Variants in DCAF12 observed in about 807,000 individuals in gnomAD.
The protein encoded by DCAF12 is DDB1 and CUL4 associated factor 12.
In DCAF12, 28 loss-of-function variants were observed where a neutral mutation model predicts 52.8. The observed-to-expected ratio is 0.53, with a 90% CI of 0.39 to 0.73. DCAF12 has a LOEUF of 0.73. DCAF12 is among the 30% of genes least tolerant of loss of function. The pLI is 0.00. For missense variants in DCAF12, 425 were observed against 552.2 expected (o/e 0.77, Z 2.31); for synonymous variants, 196 against 215.5 (o/e 0.91, Z 0.79).
At chr9:34,101,785 T>C (rs1011630932) in intron 4 of DCAF12, among the ~76,000 whole-genome samples, 2 of 151,574 alleles carry the variant, frequency 1.3e-5, no homozygotes, top group African/African-American at 4.9e-5. Flanking sequence ...GAGGCTGAGG[T>C]AGGTGGACCG....
At chr9:34,122,827 G>C (rs1204385383) in intron 2 of DCAF12, among the ~76,000 whole-genome samples, 2 of 152,182 alleles carry the variant, frequency 1.3e-5, no homozygotes, top group Admixed American at 6.6e-5. Flanking sequence ...GGCAACAGTT[G>C]GTTAAAGTCA....
chr9:34,101,064 C>CTT (rs3061496), intron 4 of DCAF12, among the ~76,000 whole-genome samples: 30,356 of 118,270 alleles, frequency 0.26, 4,316 homozygotes, highest in African/African-American at 0.33. Flanking sequence ...CCCTCCCCAA[C>CTT]TTTTTTTTTT....
intron 6 of DCAF12, chr9:34,096,140 G>C (rs1387011603): frequency 6.6e-6 from 1 of 152,222 alleles, no homozygotes; most frequent in African/African-American, 2.4e-5. Flanking sequence ...AGGATCGCTT[G>C]AGGTCAGGAG....
At chr9:34,117,277 G>A in intron 2 of DCAF12, among the ~76,000 whole-genome samples, 1 of 144,920 alleles carries the variant, frequency 6.9e-6, no homozygotes, top group East Asian at 2.0e-4. Context: ...TTTTGAGATG[G>A]AGCTCAAAAA....
intron 1 of DCAF12, chr9:34,125,529 G>A (rs1025507617): frequency 1.7e-6 from 1 of 604,138 alleles, no homozygotes; most frequent in African/African-American, 1.8e-5. Context: ...ATGCAGAATA[G>A]AACAGACTAA....
At chr9:34,125,789 C>G (rs1587744740) in intron 1 of DCAF12, 1 of 272,896 alleles carries the variant, frequency 3.7e-6, no homozygotes, top group African/African-American at 2.2e-5. Context: ...AAAAATCAAC[C>G]GCCAACGGGG....
chr9:34,105,541 G>A (rs958305966), intron 4 of DCAF12, among the ~76,000 whole-genome samples: 1 of 152,118 alleles, frequency 6.6e-6, no homozygotes, highest in African/African-American at 2.4e-5. Context: ...AGCTACCTGG[G>A]AGCCTGAGGC....
chr9:34,105,114 G>A (rs571357229), intron 4 of DCAF12, among the ~76,000 whole-genome samples: 62 of 152,118 alleles, frequency 4.1e-4, no homozygotes, highest in African/African-American at 1.4e-3. Flanking sequence ...TTAGCCTGGC[G>A]TGGTGGTGGG....
intron 7 of DCAF12, among the ~76,000 whole-genome samples, chr9:34,092,654 C>G (rs1828663177): frequency 1.3e-5 from 2 of 151,716 alleles, no homozygotes; most frequent in Non-Finnish European, 2.9e-5. Flanking sequence ...CCACTACACT[C>G]CAGCCTGGCA....
chr9:34,113,145 G>C (rs943086503), intron 2 of DCAF12, among the ~76,000 whole-genome samples: 2 of 151,830 alleles, frequency 1.3e-5, no homozygotes, highest in Non-Finnish European at 2.9e-5. Context: ...CTGCCTCCTG[G>C]GTACAAGCAA....
At chr9:34,107,263 C>G in intron 3 of DCAF12, 96 bp downstream of exon 3, 2 of 1,231,626 alleles carry the variant, frequency 1.6e-6, no homozygotes, top group Non-Finnish European at 2.4e-6. Flanking sequence ...GGAGTCCAGT[C>G]CCCACTCTGG....
At chr9:34,101,050 C>G (rs1317117163) in intron 4 of DCAF12, among the ~76,000 whole-genome samples, 1 of 142,526 alleles carries the variant, frequency 7.0e-6, no homozygotes, top group Non-Finnish European at 1.5e-5. Flanking sequence ...ACAGGGACCA[C>G]AAACCCTCCC....
intron 2 of DCAF12, among the ~76,000 whole-genome samples, chr9:34,112,999 G>A (rs1829028898): frequency 6.6e-6 from 1 of 152,186 alleles, no homozygotes; most frequent in Non-Finnish European, 1.5e-5. Flanking sequence ...TGTGTTGTGT[G>A]AGACAATGCA....
chr9:34,108,301 TAAGTGTTATG>T (rs1297575530), intron 2 of DCAF12, among the ~76,000 whole-genome samples: 4 of 152,206 alleles, frequency 2.6e-5, no homozygotes, highest in African/African-American at 9.7e-5. Context: ...AGTACTGTTC[TAAGTGTTATG>T]AACACAGCTA....
intron 5 of DCAF12, among the ~76,000 whole-genome samples, chr9:34,097,143 T>G (rs1275338320): frequency 6.6e-6 from 1 of 152,108 alleles, no homozygotes; most frequent in African/African-American, 2.4e-5. Flanking sequence ...AATCTACCCT[T>G]AGGCCATAAA....
At chr9:34,110,983 CTGT>C (rs1424827106) in intron 2 of DCAF12, among the ~76,000 whole-genome samples, 4 of 134,000 alleles carry the variant, frequency 3.0e-5, no homozygotes, top group Non-Finnish European at 6.5e-5. Flanking sequence ...CTATTCTTTT[CTGT>C]TTTTTTTTTT....
rs769837877 is a variant in DCAF12 at position 34,107,367 on chromosome 9, C to T, written c.532G>A (p.Val178Ile). ...YRLPTLDPVC[V>I]GDDGHKDWIF... ...CTACTGGGAAAACTTACATCTCCTA[C>T]ACACACAGGATCCAGCGTAGGTAGT... Residue 178 changes from valine to isoleucine, a missense_variant, in exon 3 of 9, where the codon GTA (valine) becomes ATA (isoleucine). Coordinates refer to ENST00000361264, the MANE Select transcript of DCAF12 (RefSeq NM_015397.4). 1.3e-5 allele frequency: 21 copies of T among 1,613,916 alleles called. No homozygotes were observed. The highest frequency in any genetic ancestry group is 4.5e-5 in the East Asian group (2 of 44,890).
chr9:34,092,594 G>A (rs1828661687), intron 7 of DCAF12, among the ~76,000 whole-genome samples: 1 of 151,418 alleles, frequency 6.6e-6, no homozygotes, highest in African/African-American at 2.4e-5. Context: ...GCTGAGGCAG[G>A]AGAATCACTT....
In DCAF12 at chr9:34,089,463, C is replaced by A. The variant is rs1828610758; in HGVS notation, c.1152G>T (p.Lys384Asn). ...EERLSACYGS[K>N]PRLAGENLKL... is the part of the protein sequence containing the mutation. ...TCAGATTCTCCCCTGCTAGTCTGGG[C>A]TTGGACCCATAACAAGCTGAGAGCC... Residue 384 changes from lysine to asparagine, a missense_variant, in exon 8 of 9, where the codon AAG (lysine) becomes AAT (asparagine). Transcript: ENST00000361264. 1.9e-6 allele frequency: 3 copies of A among 1,614,024 alleles called. No individual in the cohort carries two copies. Among genetic ancestry groups the A allele is most frequent in the Non-Finnish European group, 1.7e-6 (2 of 1,180,032 alleles).
Sources: gnomAD v4.1 joint callset for allele counts (sites outside exome capture counted in the v4.1 genomes callset) on GRCh38, gnomAD v4.1.1 for gene constraint, MANE v1.5 for transcripts, NCBI Gene and HGNC (gene_info 2026-07-23, HGNC 2026-07-21) for gene names.